ERC2: variants seen among roughly 807,000 people sequenced by gnomAD.
ERC2 encodes the protein ELKS/RAB6-interacting/CAST family member 2.
In ERC2, 42 loss-of-function variants were observed where a neutral mutation model predicts 114.8. That is an observed-to-expected ratio of 0.37 (90% CI 0.29 to 0.47). ERC2 has a LOEUF of 0.47. Among genes scored for constraint, ERC2 ranks in the 20% least tolerant of loss-of-function variants. The pLI is 0.99. For synonymous variants in ERC2, 454 were observed against 425.5 expected (o/e 1.07, Z -0.82); for missense variants, 939 against 1,150.7 (o/e 0.82, Z 2.66).
intron 14 of ERC2, among the ~76,000 whole-genome samples, chr3:55,863,140 T>C (rs2062100987): frequency 6.6e-6 from 1 of 152,128 alleles, no homozygotes; most frequent in East Asian, 1.9e-4. Flanking sequence ...GTTCAAACTG[T>C]CAGCGCCAGG....
At chr3:55,746,787 T>C (rs1390194) in intron 14 of ERC2, among the ~76,000 whole-genome samples, 89,143 of 151,686 alleles carry the variant, frequency 0.59, 26,587 homozygotes, top group South Asian at 0.69. Context: ...CCCATCTGTT[T>C]ATCAAAGCTG....
chr3:56,426,364 C>A (rs545352456), intron 2 of ERC2, among the ~76,000 whole-genome samples: 1 of 152,222 alleles, frequency 6.6e-6, no homozygotes, highest in Non-Finnish European at 1.5e-5. Context: ...GGTCTCACTT[C>A]GAGATGCTCC....
At chr3:55,569,225 C>T (rs922365935) in intron 17 of ERC2, among the ~76,000 whole-genome samples, 16 of 152,138 alleles carry the variant, frequency 1.1e-4, no homozygotes, top group Non-Finnish European at 1.6e-4. Context: ...CAACAGCTTC[C>T]CAACCTATCT....
chr3:55,994,647 T>TAAAAAA lies in ERC2; in HGVS notation c.2062-2403_2062-2398dup, dbSNP rs10662566. ...CATTGACAAGATACTACATACTCCC[T>TAAAAAA]AAAAAAAAAAAAAAAAAAAAAAAAA... On this transcript the variant is annotated intron_variant, in intron 10 of 17. Coordinates refer to ENST00000288221, the MANE Select transcript of ERC2 (RefSeq NM_015576.3). Among the ~76,000 whole-genome samples, 302 of 61,402 alleles carry TAAAAAA rather than the reference T, an allele frequency of 4.9e-3. 43 individuals carry two copies. The highest frequency in any genetic ancestry group is 0.019 in the African/African-American group (275 of 14,204). The allele number at this position is 61,402 out of a possible 152,430, so 40.3% of individuals were successfully genotyped here.
chr3:55,706,327 A>C (rs815431), intron 15 of ERC2, among the ~76,000 whole-genome samples: 81,134 of 151,786 alleles, frequency 0.53, 22,779 homozygotes, highest in South Asian at 0.73. Flanking sequence ...CTTCTCAAAT[A>C]AACTACCTGC....
At chr3:55,823,884 G>T (rs911690809) in intron 14 of ERC2, among the ~76,000 whole-genome samples, 7 of 152,088 alleles carry the variant, frequency 4.6e-5, no homozygotes, top group Non-Finnish European at 8.8e-5. Context: ...CAGACTAGGG[G>T]ACTTGAACAA....
chr3:56,117,229 G>A lies in ERC2; in HGVS notation c.1473+22280C>T, dbSNP rs2149845007. Among the ~76,000 whole-genome samples, 5 of 152,322 alleles carry A rather than the reference G, an allele frequency of 3.3e-5. No homozygotes were observed. In the Middle Eastern group the frequency reaches 0.017, roughly 518 times the overall value. On this transcript the variant is annotated intron_variant, in intron 6 of 17. Coordinates refer to ENST00000288221, the MANE Select transcript of ERC2 (RefSeq NM_015576.3). The stretch of plus-strand genomic sequence containing the variant: ...CTTGGCTCAGTGCTTACAGTGGAGA[G>A]TGGATGCTTAATGGTCACTAGACTG...
intron 15 of ERC2, among the ~76,000 whole-genome samples, chr3:55,716,121 A>G (rs2064106948): frequency 1.3e-5 from 2 of 152,174 alleles, no homozygotes; most frequent in Admixed American, 6.5e-5. Context: ...GACAGTTTTC[A>G]TATCACACTC....
chr3:56,408,558 A>G (rs550343080), intron 2 of ERC2, among the ~76,000 whole-genome samples: 21 of 152,240 alleles, frequency 1.4e-4, no homozygotes, highest in Admixed American at 7.2e-4. Context: ...ATGCCTGGAG[A>G]GCCATCACTC....
At chr3:55,911,165 C>G (rs1285026031) in intron 13 of ERC2, among the ~76,000 whole-genome samples, 1 of 152,130 alleles carries the variant, frequency 6.6e-6, no homozygotes, top group Non-Finnish European at 1.5e-5. Context: ...AACAAAACCT[C>G]AAATTTACAA....
chr3:55,641,604 A>G (rs971413920), intron 17 of ERC2, among the ~76,000 whole-genome samples: 4 of 148,488 alleles, frequency 2.7e-5, no homozygotes, highest in Non-Finnish European at 5.9e-5. Context: ...CTTCCCTTTT[A>G]AAAAATAGTT....
rs1293004728 is a variant in ERC2, at chr3:55,733,534, T to A, written c.2712+1237A>T. On this transcript the variant is annotated intron_variant, in intron 15 of 17. Coordinates refer to ENST00000288221, the MANE Select transcript of ERC2 (RefSeq NM_015576.3). ...CATTCTCTCTGTCTCTCATTCTTTC[T>A]CTCTCTCTCACACACACACACACAC... is the stretch of plus-strand genomic sequence containing the variant. 2.9e-4 allele frequency among the ~76,000 whole-genome samples: 16 copies of A among 55,560 alleles called. No homozygotes were observed. The South Asian group carries it at 5.2e-3, about 18-fold the overall frequency. 36.4% of individuals were successfully genotyped at this position (55,560 alleles called of 152,430 possible). A position where few individuals can be genotyped will look rare whatever the true frequency, so the allele number is the denominator to read the frequency against.
At chr3:56,287,836 C>T (rs1381838016) in intron 3 of ERC2, among the ~76,000 whole-genome samples, 6 of 152,142 alleles carry the variant, frequency 3.9e-5, no homozygotes. Context: ...AACTTCCCCA[C>T]CTGAGAGGCA....
rs502425 is a variant in ERC2 at position 56,229,861 on chromosome 3, T to C, written c.1075-56341A>G. Among the ~76,000 whole-genome samples the C allele has an allele frequency of 3.2e-5, 4 of 126,846 alleles. No individual in the cohort carries two copies. In the Admixed American group the frequency reaches 3.3e-4, roughly 10 times the overall value. The allele number at this position is 126,846 out of a possible 152,430, so 83.2% of individuals were successfully genotyped here. A position where few individuals can be genotyped will look rare whatever the true frequency, so the allele number is the denominator to read the frequency against. On this transcript the variant is annotated intron_variant, in intron 3 of 17. Transcript: ENST00000288221. Reference sequence around the variant, plus strand: ...ATTTTCTCCTTTGGCAAATATCTAGTCTTTTTTTTTTTTTTTTTTTTTTTT... The same window carrying C: ...ATTTTCTCCTTTGGCAAATATCTAGCCTTTTTTTTTTTTTTTTTTTTTTTT...
chr3:55,852,030 T>C (rs1338281297), intron 14 of ERC2, among the ~76,000 whole-genome samples: 1 of 152,230 alleles, frequency 6.6e-6, no homozygotes, highest in Non-Finnish European at 1.5e-5. Flanking sequence ...GAGACCAGCC[T>C]GACCAACATG....
At chr3:55,694,181 T>G (rs1216678812) in intron 16 of ERC2, among the ~76,000 whole-genome samples, 2 of 152,192 alleles carry the variant, frequency 1.3e-5, no homozygotes, top group Non-Finnish European at 2.9e-5. Flanking sequence ...TTGCCACCAA[T>G]GTATAGTACT....
chr3:56,098,124 A>C (rs1371292495), intron 6 of ERC2, among the ~76,000 whole-genome samples: 1 of 152,198 alleles, frequency 6.6e-6, no homozygotes, highest in Non-Finnish European at 1.5e-5. Context: ...TATGTCTAGA[A>C]ACTACAACCT....
At chr3:56,028,203 T>C (rs928322666) in intron 7 of ERC2, among the ~76,000 whole-genome samples, 4 of 152,166 alleles carry the variant, frequency 2.6e-5, no homozygotes, top group Non-Finnish European at 5.9e-5. Context: ...TTACAGTAAC[T>C]ATATAGTAAG....
chr3:55,918,902 C>T (rs1044712854), intron 13 of ERC2, among the ~76,000 whole-genome samples: 3 of 151,526 alleles, frequency 2.0e-5, no homozygotes, highest in African/African-American at 7.3e-5. Flanking sequence ...TTGGGGTGTT[C>T]TGTTATGCAG....
Sources: allele counts gnomAD v4.1 joint callset (sites outside exome capture counted in the v4.1 genomes callset), GRCh38; gene constraint gnomAD v4.1.1; transcripts MANE v1.5; gene names NCBI Gene and HGNC (gene_info 2026-07-23, HGNC 2026-07-21).